Variants in TTLL11 observed in about 807,000 individuals in gnomAD.
TTLL11 encodes tubulin tyrosine ligase like 11, also known as tubulin polyglutamylase TTLL11.
A neutral mutation model predicts 51.7 loss-of-function variants in TTLL11; 42 were observed. That is an observed-to-expected ratio of 0.81 (90% CI 0.64 to 1.05). The LOEUF (loss-of-function observed/expected upper bound fraction) is 1.05, where lower values mean the gene tolerates loss of function less well. Among genes scored for constraint, TTLL11 ranks in the 50% least tolerant of loss-of-function variants. The pLI, the probability that TTLL11 is intolerant of heterozygous loss-of-function variation, is 0.00. For synonymous variants in TTLL11, 381 were observed against 383.5 expected (o/e 0.99, Z 0.08); for missense variants, 799 against 940.4 (o/e 0.85, Z 1.97).
chr9:121,872,103 G>A (rs1482233750), intron 6 of TTLL11, among the ~76,000 whole-genome samples: 1 of 152,232 alleles, frequency 6.6e-6, no homozygotes, highest in African/African-American at 2.4e-5. Flanking sequence ...ACCAAGGCCT[G>A]TTCTCTACTC....
chr9:121,833,490 T>C (rs1449000219), intron 8 of TTLL11, among the ~76,000 whole-genome samples: 7 of 152,204 alleles, frequency 4.6e-5, no homozygotes, highest in Admixed American at 6.5e-5. Context: ...AAGAATCCTA[T>C]CTTACGTCTG....
intron 1 of TTLL11, among the ~76,000 whole-genome samples, chr9:122,087,868 G>A (rs982718217): frequency 9.9e-5 from 15 of 152,168 alleles, no homozygotes; most frequent in Non-Finnish European, 2.2e-4. Context: ...CAACATCAGT[G>A]GTGACTCTGT....
chr9:121,904,467 G>A (rs914159761), intron 6 of TTLL11, among the ~76,000 whole-genome samples: 14 of 152,184 alleles, frequency 9.2e-5, no homozygotes, highest in Admixed American at 2.0e-4. Flanking sequence ...GAGCCACCAC[G>A]CCCAGCCCAA....
intron 1 of TTLL11, among the ~76,000 whole-genome samples, chr9:122,060,846 A>G (rs193026095): frequency 1.3e-5 from 2 of 152,348 alleles, no homozygotes; most frequent in South Asian, 2.1e-4. Flanking sequence ...GAAGAACTGT[A>G]TAACTATGCC....
At chr9:122,006,358 T>A (rs1388990935) in intron 3 of TTLL11, among the ~76,000 whole-genome samples, 1 of 149,662 alleles carries the variant, frequency 6.7e-6, no homozygotes. Context: ...AAAAAAGAAT[T>A]ATGTAAAGAG....
At chr9:121,873,335 C>T (rs1379811177) in intron 6 of TTLL11, among the ~76,000 whole-genome samples, 2 of 151,858 alleles carry the variant, frequency 1.3e-5, no homozygotes, top group Non-Finnish European at 2.9e-5. Flanking sequence ...TCTTATAATC[C>T]ACTGATCCAC....
chr9:122,049,433 C>T (rs532360276), intron 1 of TTLL11, among the ~76,000 whole-genome samples: 1 of 152,254 alleles, frequency 6.6e-6, no homozygotes, highest in South Asian at 2.1e-4. Context: ...TCCAGGTCTG[C>T]GCAGTTTCAA....
intron 6 of TTLL11, among the ~76,000 whole-genome samples, chr9:121,900,778 A>T (rs1383031583): frequency 6.6e-6 from 1 of 152,174 alleles, no homozygotes; most frequent in Non-Finnish European, 1.5e-5. Flanking sequence ...CTAATCTGCC[A>T]TTAAACCCAC....
chr9:122,033,941 C>T (rs377644230), intron 2 of TTLL11, among the ~76,000 whole-genome samples: 4 of 152,260 alleles, frequency 2.6e-5, no homozygotes, highest in African/African-American at 7.2e-5. Flanking sequence ...TATTCTCCCT[C>T]GAAATTAGAA....
chr9:121,926,750 T>C (rs1204169586), intron 6 of TTLL11, among the ~76,000 whole-genome samples: 1 of 152,206 alleles, frequency 6.6e-6, no homozygotes, highest in East Asian at 1.9e-4. Context: ...TGGCTTTGGA[T>C]CCAAGCAATT....
chr9:121,878,041 T>C (rs1372536088), intron 6 of TTLL11, among the ~76,000 whole-genome samples: 2 of 152,330 alleles, frequency 1.3e-5, no homozygotes, highest in East Asian at 1.9e-4. Context: ...GTTAACCTAC[T>C]TTCCTAAGGT....
At chr9:121,930,955 C>T (rs1840944497) in intron 6 of TTLL11, among the ~76,000 whole-genome samples, 1 of 152,220 alleles carries the variant, frequency 6.6e-6, no homozygotes, top group Non-Finnish European at 1.5e-5. Context: ...AATTTGTACT[C>T]AGCTGGCTGT....
At position 121,826,519 on chromosome 9, in the gene TTLL11, A is replaced by ATGTGTGTGTG. The variant is rs1564260464; in HGVS notation, c.1841-3641_1841-3640insCACACACACA. ...TGTGTGTGTATATATATATATGTAT[A>ATGTGTGTGTG]TATATATATGTGTGTGTGTATATAT... On this transcript the variant is annotated intron_variant, in intron 8 of 8. Transcript: ENST00000321582. 7.6e-3 allele frequency among the ~76,000 whole-genome samples: 301 copies of ATGTGTGTGTG among 39,840 alleles called. 10 individuals carry two copies. The highest frequency in any genetic ancestry group is 0.013 in the East Asian group (12 of 954). The allele number at this position is 39,840 out of a possible 152,430, so 26.1% of individuals were successfully genotyped here. A position where few individuals can be genotyped will look rare whatever the true frequency, so the allele number is the denominator to read the frequency against.
At chr9:121,978,861 G>A (rs1842771926) in intron 4 of TTLL11, among the ~76,000 whole-genome samples, 1 of 152,144 alleles carries the variant, frequency 6.6e-6, no homozygotes, top group Non-Finnish European at 1.5e-5. Context: ...CCAACTGGGA[G>A]GTCCTAGAGT....
intron 3 of TTLL11, among the ~76,000 whole-genome samples, chr9:122,006,596 T>G (rs936435611): frequency 1.3e-5 from 2 of 152,156 alleles, no homozygotes; most frequent in East Asian, 3.8e-4. Context: ...AACTTATTCA[T>G]TATAGGTAGT....
Position 121,822,251 on chromosome 9 carries a change from T to G in TTLL11, c.*336A>C. On this transcript the variant is annotated 3_prime_UTR_variant, in exon 9 of 9. Transcript: ENST00000321582. The surrounding 1 kb of genome is among the most constrained non-coding windows in gnomAD (Gnocchi z 5.8). ...CCACAGCTCCGGGCCTTGGGATCGA[T>G]TGTGTCCTGTGCCCCAAATACAACA... The G allele has an allele frequency of 4.2e-5, 7 of 166,146 alleles. No individual in the cohort carries two copies. The highest frequency in any genetic ancestry group is 1.6e-4 in the East Asian group (1 of 6,098). 10.3% of individuals were successfully genotyped at this position (166,146 alleles called of 1,614,324 possible). A position where few individuals can be genotyped will look rare whatever the true frequency, so the allele number is the denominator to read the frequency against.
intron 3 of TTLL11, among the ~76,000 whole-genome samples, chr9:122,020,122 A>C (rs976775041): frequency 6.6e-6 from 1 of 152,150 alleles, no homozygotes; most frequent in African/African-American, 2.4e-5. Context: ...GCCTGCCCTA[A>C]ATCCTTTTCT....
intron 6 of TTLL11, among the ~76,000 whole-genome samples, chr9:121,915,848 G>A (rs1840301691): frequency 6.6e-6 from 1 of 151,988 alleles, no homozygotes; most frequent in Non-Finnish European, 1.5e-5. Context: ...TCTTATACAA[G>A]CAGCAGTTGG....
intron 6 of TTLL11, among the ~76,000 whole-genome samples, chr9:121,971,394 T>G (rs1329763785): frequency 6.1e-5 from 3 of 49,478 alleles, no homozygotes; most frequent in Non-Finnish European, 1.3e-4. Context: ...GGGAGGGAGG[T>G]GGGGGGGTCA....
Sources: gnomAD v4.1 joint callset for allele counts (sites outside exome capture counted in the v4.1 genomes callset) on GRCh38, gnomAD v4.1.1 for gene constraint, Gnocchi (gnomAD v3.1) non-coding constraint, MANE v1.5 for transcripts, NCBI Gene and HGNC (gene_info 2026-07-23, HGNC 2026-07-21) for gene names.